Variants in CLIC5 observed in about 807,000 individuals in gnomAD.
CLIC5 encodes CLIC family member 5, also known as chloride intracellular channel protein 5.
CLIC5 carries 20 observed loss-of-function variants against 24.7 expected under a neutral mutation model. That is an observed-to-expected ratio of 0.81 (90% CI 0.57 to 1.18). CLIC5 has a LOEUF of 1.18. CLIC5 is among the 50% of genes most tolerant of loss of function. The probability of loss-of-function intolerance (pLI) is 0.00; values close to 1 mark genes in which losing one functional copy is unlikely to be tolerated. For synonymous variants in CLIC5, 159 were observed against 135.6 expected (o/e 1.17, Z -1.20); for missense variants, 341 against 326.1 (o/e 1.05, Z -0.35).
rs185387838 is a variant in CLIC5, at chr6:45,919,106, C to T, written c.407-4697G>A. ...AAAACAACAACAACTTTAATTTCGT[C>T]CATTTTGGATTATAACCTAGTCTGA... On this transcript the variant is annotated intron_variant, in intron 4 of 5. Coordinates refer to ENST00000339561, the MANE Select transcript of CLIC5 (RefSeq NM_016929.5). 2.6e-4 allele frequency: 254 copies of T among 985,350 alleles called. 1 individual carries two copies. In the African/African-American group the frequency reaches 4.2e-3, roughly 16 times the overall value. The allele number at this position is 985,350 out of a possible 1,614,324, so 61.0% of individuals were successfully genotyped here. A position where few individuals can be genotyped will look rare whatever the true frequency, so the allele number is the denominator to read the frequency against.
At chr6:46,097,128 T>C in the CLIC5 span, 2 of 152,214 alleles carry the variant, frequency 1.3e-5, no homozygotes, top group East Asian at 1.9e-4. Flanking sequence ...TCGTTAATGA[T>C]ATGTTGCTGA....
chr6:45,948,414 C>T (rs1015319965), intron 3 of CLIC5, among the ~76,000 whole-genome samples: 1 of 152,168 alleles, frequency 6.6e-6, no homozygotes, highest in South Asian at 2.1e-4. Context: ...ACCGACTTCC[C>T]TCAACCTCTA....
intron 1 of CLIC5, among the ~76,000 whole-genome samples, chr6:46,045,714 T>C (rs1428595674): frequency 6.6e-6 from 1 of 152,200 alleles, no homozygotes; most frequent in East Asian, 1.9e-4. Context: ...TTTAAACAAC[T>C]ATACCTACTT....
At chr6:45,892,349 G>A (rs758027916) in intron 6 of CLIC5, 8 of 152,232 alleles carry the variant, frequency 5.3e-5, no homozygotes, top group Non-Finnish European at 1.0e-4. Flanking sequence ...ATGGCAGTTA[G>A]AACTGCAGAA....
chr6:45,965,205 A>G (rs1764977949), intron 1 of CLIC5, among the ~76,000 whole-genome samples: 1 of 152,232 alleles, frequency 6.6e-6, no homozygotes, highest in Admixed American at 6.5e-5. Flanking sequence ...TCAGTCATGC[A>G]TTTACTATGA....
chr6:45,966,524 C>G (rs1165609097), intron 1 of CLIC5, among the ~76,000 whole-genome samples: 5 of 152,216 alleles, frequency 3.3e-5, no homozygotes, highest in African/African-American at 9.7e-5. Flanking sequence ...GTTAAACAAA[C>G]AAAGAAACAA....
exon 1 of CLIC5, chr6:46,080,199 T>C: frequency 6.4e-7 from 1 of 1,551,694 alleles, no homozygotes. Flanking sequence ...CGTCCTCTCA[T>C]TTTGGATTGT....
At chr6:46,074,790 G>A (rs1046290715) in intron 1 of CLIC5, among the ~76,000 whole-genome samples, 2 of 152,178 alleles carry the variant, frequency 1.3e-5, no homozygotes, top group African/African-American at 4.8e-5. Context: ...CACTGACCAG[G>A]AGTTGGAGCC....
chr6:45,989,378 T>C (rs1765851108), intron 1 of CLIC5, among the ~76,000 whole-genome samples: 1 of 152,188 alleles, frequency 6.6e-6, no homozygotes, highest in African/African-American at 2.4e-5. Context: ...AAAGGTGATA[T>C]CATTTTGGCT....
chr6:45,917,635 G>T (rs902863715), intron 4 of CLIC5, among the ~76,000 whole-genome samples: 1 of 152,200 alleles, frequency 6.6e-6, no homozygotes, highest in Admixed American at 6.5e-5. Context: ...CAACATGCCT[G>T]TGTGCTGAAA....
chr6:46,108,567 T>A, the CLIC5 span, among the ~76,000 whole-genome samples: 4 of 152,084 alleles, frequency 2.6e-5, no homozygotes, highest in Middle Eastern at 3.2e-3. Context: ...TGGCTGATTT[T>A]TTTGTATTTT....
downstream of CLIC5, among the ~76,000 whole-genome samples, chr6:45,894,739 A>G (rs1462319598): frequency 6.6e-6 from 1 of 152,246 alleles, no homozygotes; most frequent in African/African-American, 2.4e-5. Flanking sequence ...CCAAATGATT[A>G]TAAGGTGGGT....
At chr6:45,913,894 G>A in intron 5 of CLIC5, 1 of 933,246 alleles carries the variant, frequency 1.1e-6, no homozygotes, top group Non-Finnish European at 1.4e-6. Context: ...ATGAGGAAGA[G>A]GCCTTTGGAG....
At chr6:46,044,202 G>A (rs1767892893) in intron 1 of CLIC5, among the ~76,000 whole-genome samples, 1 of 152,178 alleles carries the variant, frequency 6.6e-6, no homozygotes, top group Non-Finnish European at 1.5e-5. Context: ...GTGGCTTGAA[G>A]TTTTACAAAG....
At chr6:45,921,117 CTG>C (rs1383098827) in intron 4 of CLIC5, among the ~76,000 whole-genome samples, 1 of 152,096 alleles carries the variant, frequency 6.6e-6, no homozygotes, top group Non-Finnish European at 1.5e-5. Context: ...CAGGTGGAAA[CTG>C]GGGTTTTCTC....
At position 45,888,591 on chromosome 6, in the gene CLIC5, C is replaced by T. The variant is rs116184536; in HGVS notation, c.624-7403G>A. Among the ~76,000 whole-genome samples, 874 of 152,206 alleles carry T rather than the reference C, an allele frequency of 5.7e-3. 6 individuals are homozygous for T. Among genetic ancestry groups the T allele is most frequent in the African/African-American group, 0.02 (829 of 41,544 alleles). On this transcript the variant is annotated intron_variant, in intron 6 of 6. Coordinates refer to the CLIC5 transcript ENST00000644324. ...CAGCCTGTTTTTGAAAATGATCCCT[C>T]GTGAATTTATCTAAGTCTATCATAA... is the stretch of plus-strand genomic sequence containing the variant.
At chr6:46,119,977 G>A in the CLIC5 span, among the ~76,000 whole-genome samples, 9 of 152,204 alleles carry the variant, frequency 5.9e-5, no homozygotes, top group African/African-American at 1.9e-4. Flanking sequence ...AAGGAGGCCT[G>A]CCTGCCTCTG....
At chr6:46,067,325 CA>C (rs1456553612) in intron 1 of CLIC5, among the ~76,000 whole-genome samples, 1 of 151,848 alleles carries the variant, frequency 6.6e-6, no homozygotes, top group East Asian at 1.9e-4. Flanking sequence ...AATGGGAGTT[CA>C]AAAAATGACC....
chr6:46,125,375 A>C, the CLIC5 span, among the ~76,000 whole-genome samples: 1 of 152,106 alleles, frequency 6.6e-6, no homozygotes, highest in Non-Finnish European at 1.5e-5. Flanking sequence ...GAATTGAACA[A>C]TGAGAACACT....
Sources: gnomAD v4.1 joint callset for allele counts (sites outside exome capture counted in the v4.1 genomes callset) on GRCh38, gnomAD v4.1.1 for gene constraint, MANE v1.5 for transcripts, NCBI Gene and HGNC (gene_info 2026-07-23, HGNC 2026-07-21) for gene names.